CAMTA1: variants seen among roughly 807,000 people sequenced by gnomAD.
CAMTA1 encodes the protein calmodulin-binding transcription activator 1.
In CAMTA1, 27 loss-of-function variants were observed where a neutral mutation model predicts 170.9. That is an observed-to-expected ratio of 0.16 (90% CI 0.12 to 0.22). The LOEUF (loss-of-function observed/expected upper bound fraction) is 0.22. Ranked by LOEUF, CAMTA1 falls within the 10% of genes least tolerant of loss-of-function variation. The probability of loss-of-function intolerance (pLI) is 1.00; values close to 1 mark genes in which losing one functional copy is unlikely to be tolerated. For missense variants in CAMTA1, 1,619 were observed against 2,217.2 expected (o/e 0.73, Z 5.42); for synonymous variants, 833 against 891.5 (o/e 0.93, Z 1.17).
At chr1:6,884,871 T>C (rs2149096376) in intron 3 of CAMTA1, among the ~76,000 whole-genome samples, 1 of 152,366 alleles carries the variant, frequency 6.6e-6, no homozygotes, top group East Asian at 1.9e-4. Context: ...ATTAACTGTG[T>C]TGCTTTCCTA....
chr1:7,124,850 A>G (rs184468085), intron 4 of CAMTA1, among the ~76,000 whole-genome samples: 162 of 152,332 alleles, frequency 1.1e-3, no homozygotes, highest in African/African-American at 3.8e-3. Flanking sequence ...CTCTTAAAGA[A>G]CAAAGATTTT....
At chr1:7,257,187 C>T (rs1451767020) in intron 5 of CAMTA1, among the ~76,000 whole-genome samples, 3 of 152,040 alleles carry the variant, frequency 2.0e-5, no homozygotes, top group Admixed American at 6.6e-5. Context: ...CAGCAGTAAT[C>T]ACAGCATCCT....
Position 7,257,081 on chromosome 1 carries a change from G to T in CAMTA1, c.438+7455G>T, listed in dbSNP as rs1447235884. ...TTCCACATACCATCGCATGGCGGGGGCGGGGGTTGGTTTTCATCATATACA... is the reference window on the plus strand; with the variant it reads ...TTCCACATACCATCGCATGGCGGGGTCGGGGGTTGGTTTTCATCATATACA... On this transcript the variant is annotated intron_variant, in intron 5 of 22. Transcript: ENST00000303635. 4.0e-5 allele frequency among the ~76,000 whole-genome samples: 6 copies of T among 150,410 alleles called. 1 individual carries two copies. The highest frequency in any genetic ancestry group is 3.3e-4 in the Admixed American group (5 of 15,196).
intron 6 of CAMTA1, among the ~76,000 whole-genome samples, chr1:7,529,757 C>T (rs186657193): frequency 6.6e-6 from 1 of 152,294 alleles, no homozygotes; most frequent in South Asian, 2.1e-4. Flanking sequence ...GCAAAGCAGT[C>T]ACTCCCTTAT....
At chr1:7,056,783 C>G (rs1409602326) in intron 3 of CAMTA1, among the ~76,000 whole-genome samples, 1 of 152,076 alleles carries the variant, frequency 6.6e-6, no homozygotes, top group Non-Finnish European at 1.5e-5. Flanking sequence ...TGGGAAAGTA[C>G]CGAAGCTTGT....
chr1:7,178,886 G>A (rs571241235), intron 4 of CAMTA1, among the ~76,000 whole-genome samples: 10 of 152,344 alleles, frequency 6.6e-5, no homozygotes, highest in African/African-American at 2.2e-4. Context: ...TTCAAAACAC[G>A]ATTGGATTGG....
intron 1 of CAMTA1, among the ~76,000 whole-genome samples, chr1:6,816,418 T>C (rs1372463528): frequency 6.6e-6 from 1 of 152,164 alleles, no homozygotes; most frequent in Admixed American, 6.5e-5. Context: ...TGGTACATGT[T>C]AGGTGCTCCT....
rs75241507 is a variant in CAMTA1 at position 7,534,359 on chromosome 1, A to G, written c.510+66458A>G. 2.6e-3 allele frequency among the ~76,000 whole-genome samples: 401 copies of G among 152,270 alleles called. 2 individuals are homozygous for G. Among genetic ancestry groups the G allele is most frequent in the African/African-American group, 8.4e-3 (350 of 41,572 alleles). The stretch of plus-strand genomic sequence containing the variant: ...TCCATTCTAGAAAGGGAGGAATTAA[A>G]TCTTCCTGACACCCCGGGGCCACAC... On this transcript the variant is annotated intron_variant, in intron 6 of 22. Coordinates refer to ENST00000303635, the MANE Select transcript of CAMTA1 (RefSeq NM_015215.4). This position sits in a 1 kb window ranked among gnomAD's most constrained non-coding sequence, Gnocchi z 5.6.
At chr1:6,805,736 C>A (rs1644438602) in intron 1 of CAMTA1, among the ~76,000 whole-genome samples, 1 of 152,178 alleles carries the variant, frequency 6.6e-6, no homozygotes, top group Non-Finnish European at 1.5e-5. Context: ...GTCTTGAACT[C>A]CTGGGCTCAA....
intron 6 of CAMTA1, among the ~76,000 whole-genome samples, chr1:7,560,156 C>T (rs551392131): frequency 6.6e-6 from 1 of 152,336 alleles, no homozygotes; most frequent in South Asian, 2.1e-4. Context: ...CTATCCTTGT[C>T]CCTGGTCCCG....
intron 9 of CAMTA1, among the ~76,000 whole-genome samples, chr1:7,669,391 AG>A (rs1383937534): frequency 6.6e-6 from 1 of 152,248 alleles, no homozygotes; most frequent in African/African-American, 2.4e-5. Context: ...CCTGGGTTCC[AG>A]GAACATTGTG....
At chr1:7,730,698 C>T (rs557658326) in intron 11 of CAMTA1, among the ~76,000 whole-genome samples, 1 of 152,196 alleles carries the variant, frequency 6.6e-6, no homozygotes, top group African/African-American at 2.4e-5. Flanking sequence ...GAGTTCAAGA[C>T]CAGCCTGGCC....
At chr1:7,190,383 A>G (rs1654288447) in intron 4 of CAMTA1, among the ~76,000 whole-genome samples, 1 of 152,200 alleles carries the variant, frequency 6.6e-6, no homozygotes, top group Non-Finnish European at 1.5e-5. Context: ...TGTGTAATAC[A>G]TGTGTGTATT....
intron 5 of CAMTA1, among the ~76,000 whole-genome samples, chr1:7,413,632 C>T (rs1447845671): frequency 6.6e-6 from 1 of 152,162 alleles, no homozygotes. Flanking sequence ...GCTGAAGTTG[C>T]TTATCAGCTT....
At chr1:7,201,543 G>A (rs1316598727) in intron 4 of CAMTA1, among the ~76,000 whole-genome samples, 1 of 152,050 alleles carries the variant, frequency 6.6e-6, no homozygotes, top group African/African-American at 2.4e-5. Flanking sequence ...GTCAACACTT[G>A]TTATTATCTG....
rs1668219856 is a variant in CAMTA1, at chr1:6,870,877, GA to G, written c.234+45668del. 2.0e-5 allele frequency among the ~76,000 whole-genome samples: 3 copies of G among 152,280 alleles called. No individual in the cohort carries two copies. In the South Asian group the frequency reaches 6.2e-4, roughly 32 times the overall value. On this transcript the variant is annotated intron_variant, in intron 3 of 22. Coordinates refer to ENST00000303635, the MANE Select transcript of CAMTA1 (RefSeq NM_015215.4). ...GAGACACTAAAGATGATTGTGTTAT[GA>G]TACTGTTCATTTTATATACTAGTGA...
rs115088730 is a variant in CAMTA1 at position 7,440,703 on chromosome 1, C to A, written c.439-27127C>A. On this transcript the variant is annotated intron_variant, in intron 5 of 22. Transcript: ENST00000303635. ...GCGGTCTGGTCCTGCCTGCTTGGAG[C>A]CTGTGGGCCGAGAAAGACAGGGGCA... Among the ~76,000 whole-genome samples, 497 of 152,290 alleles carry A rather than the reference C, an allele frequency of 3.3e-3. 5 individuals are homozygous for A. In the East Asian group the frequency reaches 0.036, roughly 11 times the overall value.
intron 16 of CAMTA1, among the ~76,000 whole-genome samples, chr1:7,740,680 G>A (rs964684003): frequency 6.6e-6 from 1 of 152,180 alleles, no homozygotes; most frequent in Non-Finnish European, 1.5e-5. Context: ...CTATTGTAAA[G>A]GGCATATGTA....
At chr1:6,990,132 T>G (rs1385134202) in intron 3 of CAMTA1, among the ~76,000 whole-genome samples, 1 of 152,092 alleles carries the variant, frequency 6.6e-6, no homozygotes, top group East Asian at 1.9e-4. Context: ...GAAATTGGAG[T>G]GTGTTATTTA....
Sources: allele counts gnomAD v4.1 joint callset (sites outside exome capture counted in the v4.1 genomes callset), GRCh38; gene constraint gnomAD v4.1.1; non-coding constraint Gnocchi (gnomAD v3.1); transcripts MANE v1.5; gene names NCBI Gene and HGNC (gene_info 2026-07-23, HGNC 2026-07-21).